Variants in SINHCAF observed in about 807,000 individuals in gnomAD.
The protein encoded by SINHCAF is SIN3-HDAC complex-associated factor.
In SINHCAF, 3 loss-of-function variants were observed where a neutral mutation model predicts 25.8. The ratio of observed to expected loss-of-function variants is 0.12; its 90% confidence interval spans 0.05 to 0.30. The LOEUF (loss-of-function observed/expected upper bound fraction) is 0.30. Ranked by LOEUF, SINHCAF falls within the 10% of genes least tolerant of loss-of-function variation. The probability of loss-of-function intolerance (pLI) is 1.00; values close to 1 mark genes in which losing one functional copy is unlikely to be tolerated. For synonymous variants in SINHCAF, 70 were observed against 85.5 expected (o/e 0.82, Z 1.00); for missense variants, 121 against 262.3 (o/e 0.46, Z 3.72).
intron 1 of SINHCAF, among the ~76,000 whole-genome samples, chr12:31,309,400 A>G (rs1443811013): frequency 6.6e-6 from 1 of 152,132 alleles, no homozygotes; most frequent in East Asian, 1.9e-4. Context: ...CATAGTGGCT[A>G]TTATTTTACG....
intron 2 of SINHCAF, among the ~76,000 whole-genome samples, chr12:31,295,872 CAAAAAA>C (rs1247483869): frequency 1.4e-5 from 2 of 140,514 alleles, no homozygotes. Flanking sequence ...GACTCCATCT[CAAAAAA>C]AAAAAATTAA....
chr12:31,309,237 T>C (rs1452999763), intron 1 of SINHCAF, among the ~76,000 whole-genome samples: 1 of 151,946 alleles, frequency 6.6e-6, no homozygotes, highest in African/African-American at 2.4e-5. Context: ...TAATACTGTC[T>C]ACAGCCCGTA....
chr12:31,285,397 A>T (rs1298806442), intron 5 of SINHCAF, among the ~76,000 whole-genome samples: 1 of 139,460 alleles, frequency 7.2e-6, no homozygotes, highest in East Asian at 2.0e-4. Context: ...CTCAACATAG[A>T]CATATATTTA....
At chr12:31,298,630 T>C in intron 1 of SINHCAF, 1 of 238,358 alleles carries the variant, frequency 4.2e-6, no homozygotes, top group Non-Finnish European at 8.3e-6. Context: ...TGCATTAACG[T>C]GATTCCCCTC....
rs116406193 is a variant in SINHCAF at position 31,307,736 on chromosome 12, C to T, written c.-20-9512G>A. On this transcript the variant is annotated intron_variant, in intron 1 of 5. Transcript: ENST00000337682. ...GAATGAAGGCAGTAAGGGAGAGGAC[C>T]CCATGACTATCTCTCCAACAGTTTT... is the stretch of plus-strand genomic sequence containing the variant. Among the ~76,000 whole-genome samples, 307 of 152,126 alleles carry T rather than the reference C, an allele frequency of 2.0e-3. 1 individual carries two copies. The highest frequency in any genetic ancestry group is 7.0e-3 in the African/African-American group (292 of 41,494).
intron 1 of SINHCAF, among the ~76,000 whole-genome samples, chr12:31,300,335 G>T (rs1043824095): frequency 5.3e-5 from 8 of 152,186 alleles, no homozygotes; most frequent in Admixed American, 1.3e-4. Context: ...CCATGTTTTT[G>T]TTGGTGAGAG....
intron 5 of SINHCAF, among the ~76,000 whole-genome samples, chr12:31,286,963 C>A (rs992266955): frequency 6.6e-6 from 1 of 152,146 alleles, no homozygotes; most frequent in Non-Finnish European, 1.5e-5. Flanking sequence ...TATCACCAGG[C>A]TGGAGTGCAA....
At chr12:31,299,309 A>G (rs990983023) in intron 1 of SINHCAF, among the ~76,000 whole-genome samples, 2 of 149,878 alleles carry the variant, frequency 1.3e-5, no homozygotes, top group African/African-American at 2.5e-5. Flanking sequence ...AAGCAACAAT[A>G]AAAGAAAAAA....
chr12:31,299,850 A>G (rs1938714731), intron 1 of SINHCAF, among the ~76,000 whole-genome samples: 1 of 152,212 alleles, frequency 6.6e-6, no homozygotes, highest in Admixed American at 6.5e-5. Context: ...CAACACCCCT[A>G]GGCTATATGG....
Position 31,303,313 on chromosome 12 carries a change from G to A in SINHCAF, c.-20-5089C>T, listed in dbSNP as rs547327010. The A allele has an allele frequency of 2.1e-5, 17 of 794,154 alleles. No individual in the cohort carries two copies. The Admixed American group carries it at 3.1e-4, about 15-fold the overall frequency. The allele number at this position is 794,154 out of a possible 1,614,324, so 49.2% of individuals were successfully genotyped here. On this transcript the variant is annotated intron_variant, in intron 1 of 5. Coordinates refer to ENST00000337682, the MANE Select transcript of SINHCAF (RefSeq NM_001135812.2). ...CATGTCCTTTTGTCCTTCTGCATTG[G>A]GAAGGCTCATTCCCAGGAAGTCATG...
intron 4 of SINHCAF, among the ~76,000 whole-genome samples, chr12:31,291,776 A>C (rs78327936): frequency 4.3e-5 from 6 of 139,348 alleles, no homozygotes; most frequent in Non-Finnish European, 9.5e-5. Flanking sequence ...TCCATCTCAG[A>C]AAAAAAAAAA....
At chr12:31,291,360 G>A (rs986704465) in intron 4 of SINHCAF, among the ~76,000 whole-genome samples, 7 of 152,232 alleles carry the variant, frequency 4.6e-5, no homozygotes, top group East Asian at 1.9e-4. Context: ...ATGGTTAAAC[G>A]TCAAGTGACT....
At chr12:31,312,057 C>T in intron 1 of SINHCAF, 1 of 535,760 alleles carries the variant, frequency 1.9e-6, no homozygotes, top group East Asian at 5.0e-5. Flanking sequence ...TACCAGCAGT[C>T]TACAGGTGTC....
intron 1 of SINHCAF, among the ~76,000 whole-genome samples, chr12:31,306,492 G>A (rs549805107): frequency 6.6e-6 from 1 of 152,150 alleles, no homozygotes; most frequent in South Asian, 2.1e-4. Flanking sequence ...TTCAGTTTGC[G>A]GGAAAAGTAC....
intron 1 of SINHCAF, among the ~76,000 whole-genome samples, chr12:31,307,190 G>A (rs1939062147): frequency 6.6e-6 from 1 of 152,074 alleles, no homozygotes; most frequent in African/African-American, 2.4e-5. Context: ...AAAGTAAGTG[G>A]GGCACTGTAT....
intron 1 of SINHCAF, among the ~76,000 whole-genome samples, chr12:31,305,854 G>T (rs1253574140): frequency 6.6e-6 from 1 of 152,072 alleles, no homozygotes; most frequent in Middle Eastern, 3.4e-3. Context: ...CGTGCGCCAC[G>T]ATGCCCGGCT....
At chr12:31,307,056 G>A (rs969719609) in intron 1 of SINHCAF, among the ~76,000 whole-genome samples, 1 of 152,096 alleles carries the variant, frequency 6.6e-6, no homozygotes, top group African/African-American at 2.4e-5. Context: ...TAAAAAGTTG[G>A]GTGTGTCATC....
At chr12:31,283,535 G>A (rs1487647995) in intron 5 of SINHCAF, among the ~76,000 whole-genome samples, 2 of 152,102 alleles carry the variant, frequency 1.3e-5, no homozygotes, top group Middle Eastern at 3.4e-3. Flanking sequence ...CCCAGGAAGT[G>A]GAGGTTGCAG....
intron 1 of SINHCAF, among the ~76,000 whole-genome samples, chr12:31,308,765 C>A (rs1939137486): frequency 6.6e-6 from 1 of 152,080 alleles, no homozygotes; most frequent in African/African-American, 2.4e-5. Context: ...CAGGAAAAGG[C>A]AAACAAATAC....
Sources: gnomAD v4.1 joint callset for allele counts (sites outside exome capture counted in the v4.1 genomes callset) on GRCh38, gnomAD v4.1.1 for gene constraint, MANE v1.5 for transcripts, NCBI Gene and HGNC (gene_info 2026-07-23, HGNC 2026-07-21) for gene names.